The following ZMAT4 variants were observed in gnomAD, a reference collection of about 807,000 sequenced individuals.
ZMAT4 encodes the protein zinc finger matrin-type 4.
Under a neutral mutation model 28.7 loss-of-function variants are expected in ZMAT4, and 17 were observed. The ratio of observed to expected loss-of-function variants is 0.59; its 90% CI spans 0.41 to 0.89. The LOEUF is 0.89. Ranked by LOEUF, ZMAT4 falls within the 40% of genes least tolerant of loss-of-function variation. The pLI is 0.00. For synonymous variants in ZMAT4, 117 were observed against 109.2 expected (o/e 1.07, Z -0.44); for missense variants, 240 against 283.8 (o/e 0.85, Z 1.11).
At chr8:40,725,851 G>A (rs34631488) in intron 3 of ZMAT4, among the ~76,000 whole-genome samples, 17,425 of 152,206 alleles carry the variant, frequency 0.11, 1,085 homozygotes, top group Middle Eastern at 0.21. Flanking sequence ...AAGAAACAGG[G>A]GAATGAGAAG....
At chr8:40,874,993 C>A (rs944590291) in intron 1 of ZMAT4, among the ~76,000 whole-genome samples, 3 of 152,154 alleles carry the variant, frequency 2.0e-5, no homozygotes, top group Non-Finnish European at 4.4e-5. Context: ...AGGTGAAAGC[C>A]CCCCCAAAAT....
intron 2 of ZMAT4, among the ~76,000 whole-genome samples, chr8:40,769,020 C>T (rs1205948985): frequency 6.6e-6 from 1 of 152,196 alleles, no homozygotes; most frequent in Non-Finnish European, 1.5e-5. Context: ...TGTCCATTTT[C>T]CTCATTCATC....
chr8:40,890,961 C>A (rs1818646637), intron 1 of ZMAT4, among the ~76,000 whole-genome samples: 1 of 151,784 alleles, frequency 6.6e-6, no homozygotes, highest in South Asian at 2.1e-4. Context: ...TAAGGAGAAT[C>A]ATGGTGTACC....
At chr8:40,690,897 G>A (rs889335071) in intron 4 of ZMAT4, 1 of 984,748 alleles carries the variant, frequency 1.0e-6, no homozygotes, top group African/African-American at 1.7e-5. Context: ...TACATGCAAT[G>A]AATGAGATCA....
At chr8:40,552,236 T>C (rs1803389087) in intron 6 of ZMAT4, among the ~76,000 whole-genome samples, 1 of 152,182 alleles carries the variant, frequency 6.6e-6, no homozygotes, top group African/African-American at 2.4e-5. Context: ...TTTTGAGAAA[T>C]GTACCCAATG....
At chr8:40,665,610 C>T (rs1808378861) in intron 5 of ZMAT4, among the ~76,000 whole-genome samples, 1 of 152,150 alleles carries the variant, frequency 6.6e-6, no homozygotes, top group Non-Finnish European at 1.5e-5. Flanking sequence ...ATAATCCATT[C>T]CCAGAAAACT....
At chr8:40,603,878 C>T (rs1171064738) in intron 5 of ZMAT4, among the ~76,000 whole-genome samples, 1 of 152,166 alleles carries the variant, frequency 6.6e-6, no homozygotes, top group Non-Finnish European at 1.5e-5. Flanking sequence ...GATCTGCCCA[C>T]CTTGGCCTCT....
intron 3 of ZMAT4, among the ~76,000 whole-genome samples, chr8:40,745,719 G>A (rs1392699018): frequency 1.3e-5 from 2 of 152,126 alleles, no homozygotes; most frequent in Non-Finnish European, 2.9e-5. Context: ...CCCATTTCCA[G>A]CCAGAGGATG....
At chr8:40,795,541 G>A (rs1402960704) in intron 2 of ZMAT4, among the ~76,000 whole-genome samples, 5 of 152,142 alleles carry the variant, frequency 3.3e-5, no homozygotes, top group African/African-American at 9.7e-5. Flanking sequence ...TATGACACCT[G>A]CTTCCTCCCT....
At chr8:40,619,274 C>T (rs1367525660) in intron 5 of ZMAT4, among the ~76,000 whole-genome samples, 1 of 152,166 alleles carries the variant, frequency 6.6e-6, no homozygotes, top group African/African-American at 2.4e-5. Context: ...GGAGCTCCAA[C>T]AGGATCAGCC....
chr8:40,546,996 T>C (rs534393582), intron 6 of ZMAT4, among the ~76,000 whole-genome samples: 1 of 152,280 alleles, frequency 6.6e-6, no homozygotes, highest in East Asian at 1.9e-4. Context: ...GGCAACAATA[T>C]GGAAATGCAA....
chr8:40,848,868 T>C (rs1166648632), intron 1 of ZMAT4, among the ~76,000 whole-genome samples: 2 of 152,232 alleles, frequency 1.3e-5, no homozygotes, highest in Admixed American at 1.3e-4. Context: ...CCGTCCATTG[T>C]GGTTCCTGGT....
intron 6 of ZMAT4, among the ~76,000 whole-genome samples, chr8:40,558,520 G>A (rs1046551768): frequency 2.0e-5 from 3 of 151,994 alleles, no homozygotes; most frequent in African/African-American, 7.2e-5. Context: ...GGAAATGGAG[G>A]GGAAGGAAGG....
chr8:40,539,025 C>T (rs904554948), intron 6 of ZMAT4, among the ~76,000 whole-genome samples: 4 of 152,104 alleles, frequency 2.6e-5, no homozygotes, highest in African/African-American at 9.7e-5. Context: ...ACCTCGTGAT[C>T]CACCCGCCTT....
chr8:40,868,161 G>C (rs1163721492), intron 1 of ZMAT4, among the ~76,000 whole-genome samples: 2 of 152,030 alleles, frequency 1.3e-5, no homozygotes, highest in African/African-American at 2.4e-5. Flanking sequence ...TTTTGCTCTG[G>C]TTTGCAAGTG....
intron 2 of ZMAT4, among the ~76,000 whole-genome samples, chr8:40,770,996 A>G (rs1298198387): frequency 1.3e-5 from 2 of 152,186 alleles, no homozygotes; most frequent in Admixed American, 1.3e-4. Context: ...TCCTACAACA[A>G]GAAAGTTAAA....
intron 3 of ZMAT4, among the ~76,000 whole-genome samples, chr8:40,745,634 C>T (rs973536269): frequency 2.2e-4 from 33 of 152,092 alleles, no homozygotes; most frequent in Non-Finnish European, 1.5e-4. Context: ...AGAATAAGTG[C>T]CGAAAGAGGA....
chr8:40,805,452 G>T lies in ZMAT4; in HGVS notation c.102+20123C>A, dbSNP rs866048551. ...TCCCATTACTGGGTATATACCCAAA[G>T]GACTGTAAATCATGCTGCTATAAAG... On this transcript the variant is annotated intron_variant, in intron 2 of 6. Transcript: ENST00000297737. Among the ~76,000 whole-genome samples the T allele has an allele frequency of 6.2e-4, 93 of 149,562 alleles. No individual in the cohort carries two copies. The Middle Eastern group carries it at 0.014, about 22-fold the overall frequency.
intron 5 of ZMAT4, among the ~76,000 whole-genome samples, chr8:40,640,201 T>C (rs2722414): frequency 0.57 from 86,237 of 151,918 alleles, 25,073 homozygotes; most frequent in East Asian, 0.69. Context: ...TGGTCTTGAA[T>C]TCCTGGGCCC....
Sources: allele counts gnomAD v4.1 joint callset (sites outside exome capture counted in the v4.1 genomes callset), GRCh38; gene constraint gnomAD v4.1.1; transcripts MANE v1.5; gene names NCBI Gene and HGNC (gene_info 2026-07-23, HGNC 2026-07-21).